The following RARB variants were observed in gnomAD, a reference collection of about 807,000 sequenced individuals.
The protein encoded by RARB is HBV-activated protein.
RARB carries 17 observed loss-of-function variants against 51.9 expected under a neutral mutation model. The ratio of observed to expected loss-of-function variants is 0.33; its 90% CI spans 0.22 to 0.49. The LOEUF (loss-of-function observed/expected upper bound fraction) is 0.49. RARB is among the 20% of genes least tolerant of loss of function. RARB has a pLI of 0.99. For missense variants in RARB, 369 were observed against 550.8 expected (o/e 0.67, Z 3.30); for synonymous variants, 215 against 195.4 (o/e 1.10, Z -0.84).
At position 24,882,787 on chromosome 3, in the gene RARB, A is replaced by G. The variant is rs376768430; in HGVS notation, c.-380+24035A>G. Among the ~76,000 whole-genome samples, 13 of 152,086 alleles carry G rather than the reference A, an allele frequency of 8.5e-5. No individual in the cohort carries two copies. The East Asian group carries it at 2.3e-3, about 27-fold the overall frequency. On this transcript the variant is annotated intron_variant, in intron 2 of 11. Transcript: ENST00000383772. ...AATGCTGATTTTGTCCAGGAATGCC[A>G]CTCTTCTCCCTATAGACATGTGCTT... is the stretch of plus-strand genomic sequence containing the variant.
chr3:25,140,940 T>C (rs143435896), intron 4 of RARB, among the ~76,000 whole-genome samples: 147 of 152,252 alleles, frequency 9.7e-4, no homozygotes, highest in Non-Finnish European at 1.9e-3. Flanking sequence ...AATTAAGTTA[T>C]GTAGATGACT....
intron 5 of RARB, among the ~76,000 whole-genome samples, chr3:25,394,488 G>C (rs1843028): frequency 0.86 from 130,388 of 152,104 alleles, 56,117 homozygotes; most frequent in East Asian, 1. Context: ...CTAGCACTGT[G>C]AGTGGAGTAC....
At chr3:25,214,386 G>A (rs531728274) in intron 5 of RARB, among the ~76,000 whole-genome samples, 42 of 152,306 alleles carry the variant, frequency 2.8e-4, no homozygotes, top group African/African-American at 8.7e-4. Flanking sequence ...TGAAGAATAT[G>A]AGTGCTTATA....
intron 2 of RARB, among the ~76,000 whole-genome samples, chr3:24,937,233 T>C (rs770529499): frequency 5.9e-5 from 9 of 152,208 alleles, no homozygotes; most frequent in Non-Finnish European, 1.0e-4. Context: ...TCTTTTCCTG[T>C]AACACATCTC....
chr3:25,375,045 CGA>C (rs1046456776), intron 5 of RARB, among the ~76,000 whole-genome samples: 1 of 151,986 alleles, frequency 6.6e-6, no homozygotes, highest in Admixed American at 6.6e-5. Flanking sequence ...AAACTTAAAG[CGA>C]GAGAAATAAA....
At chr3:25,205,390 C>T (rs920416693) in intron 5 of RARB, among the ~76,000 whole-genome samples, 1 of 152,166 alleles carries the variant, frequency 6.6e-6, no homozygotes, top group Non-Finnish European at 1.5e-5. Flanking sequence ...GGCAATGCCT[C>T]ACCCTGCTTT....
chr3:25,311,604 G>C (rs979019394), intron 5 of RARB, among the ~76,000 whole-genome samples: 1 of 152,182 alleles, frequency 6.6e-6, no homozygotes, highest in Non-Finnish European at 1.5e-5. Flanking sequence ...TATTCACAGC[G>C]GGGCAGCTGA....
intron 3 of RARB, among the ~76,000 whole-genome samples, chr3:25,061,270 G>A (rs1039154133): frequency 2.0e-5 from 3 of 151,786 alleles, no homozygotes; most frequent in Admixed American, 2.0e-4. Flanking sequence ...AGATAAATAT[G>A]TACATACAAA....
chr3:25,428,467 A>G lies in RARB; in HGVS notation c.-265A>G. The G allele has an allele frequency of 7.9e-7, 1 of 1,265,778 alleles. No individual in the cohort carries two copies. The highest frequency in any genetic ancestry group is 1.5e-5 in the African/African-American group (1 of 65,410). The allele number at this position is 1,265,778 out of a possible 1,614,324, so 78.4% of individuals were successfully genotyped here. On this transcript the variant is annotated 5_prime_UTR_variant, in exon 1 of 8. Transcript: ENST00000330688. ...TTTTTGCAAGCATTTACTTGGAAGG[A>G]GAACTTGGGATCTTTCTGGGAACCC...
chr3:25,269,381 C>T (rs1703198877), intron 5 of RARB, among the ~76,000 whole-genome samples: 1 of 152,122 alleles, frequency 6.6e-6, no homozygotes, highest in Non-Finnish European at 1.5e-5. Context: ...GAGGTAGGAA[C>T]GTGTGACAGC....
intron 2 of RARB, among the ~76,000 whole-genome samples, chr3:25,042,942 C>A (rs942705944): frequency 2.0e-5 from 3 of 152,224 alleles, no homozygotes; most frequent in African/African-American, 7.2e-5. Context: ...TTTTGTGGCT[C>A]TGTACAAAGC....
At chr3:25,267,404 C>G (rs4681043) in intron 5 of RARB, among the ~76,000 whole-genome samples, 1 of 152,058 alleles carries the variant, frequency 6.6e-6, no homozygotes, top group African/African-American at 2.4e-5. Context: ...CCGCAACCCC[C>G]GTCTTTCACC....
chr3:25,550,588 C>T (rs1342071704), intron 3 of RARB, among the ~76,000 whole-genome samples: 2 of 152,212 alleles, frequency 1.3e-5, no homozygotes, highest in Non-Finnish European at 2.9e-5. Flanking sequence ...AATACCATCA[C>T]ATCGGGGATT....
intron 5 of RARB, among the ~76,000 whole-genome samples, chr3:25,228,220 T>G (rs1293170858): frequency 9.8e-5 from 3 of 30,580 alleles, no homozygotes; most frequent in East Asian, 6.7e-3. Context: ...TTTGAGGGTT[T>G]TTTTTTTTTT....
At chr3:24,933,044 C>G (rs1223783667) in intron 2 of RARB, among the ~76,000 whole-genome samples, 5 of 151,900 alleles carry the variant, frequency 3.3e-5, no homozygotes, top group Non-Finnish European at 7.4e-5. Context: ...TGTGACATTT[C>G]AATGTATAGC....
intron 3 of RARB, among the ~76,000 whole-genome samples, chr3:25,085,820 T>G (rs550045667): frequency 2.0e-5 from 3 of 152,282 alleles, no homozygotes; most frequent in Admixed American, 2.0e-4. Flanking sequence ...AAACTGAAAG[T>G]GTAGCTGAAA....
intron 2 of RARB, among the ~76,000 whole-genome samples, chr3:24,987,094 T>A (rs1026488425): frequency 2.0e-5 from 3 of 152,214 alleles, no homozygotes; most frequent in East Asian, 3.8e-4. Context: ...TAACTCTTCT[T>A]AGCTTTCAGG....
intron 5 of RARB, among the ~76,000 whole-genome samples, chr3:25,340,892 G>A (rs921509814): frequency 6.6e-6 from 1 of 152,174 alleles, no homozygotes; most frequent in African/African-American, 2.4e-5. Context: ...GCCTTTCCAG[G>A]TGAGGTTATC....
chr3:24,951,749 G>A (rs911622054), intron 2 of RARB, among the ~76,000 whole-genome samples: 3 of 152,170 alleles, frequency 2.0e-5, no homozygotes, highest in African/African-American at 4.8e-5. Context: ...CACAAGATGC[G>A]AGAGGAGAGA....
Sources: gnomAD v4.1 joint callset for allele counts (sites outside exome capture counted in the v4.1 genomes callset) on GRCh38, gnomAD v4.1.1 for gene constraint, MANE v1.5 for transcripts, NCBI Gene and HGNC (gene_info 2026-07-23, HGNC 2026-07-21) for gene names.